R3HDM1: variants seen among roughly 807,000 people sequenced by gnomAD.
R3HDM1 encodes the protein R3H domain-containing protein 1.
Under a neutral mutation model 141.1 loss-of-function variants are expected in R3HDM1, and 46 were observed. That is an observed-to-expected ratio of 0.33 (90% CI 0.26 to 0.42). R3HDM1 has a LOEUF of 0.42. R3HDM1 is among the 10% of genes least tolerant of loss of function. The pLI is 1.00. For missense variants in R3HDM1, 1,184 were observed against 1,368.3 expected (o/e 0.87, Z 2.12); for synonymous variants, 435 against 472.9 (o/e 0.92, Z 1.04).
At chr2:135,651,412 C>T (rs2065131582) in intron 17 of R3HDM1, 1 of 979,838 alleles carries the variant, frequency 1.0e-6, no homozygotes, top group Non-Finnish European at 1.2e-6. Context: ...AATTTCACTT[C>T]TACATTCTAA....
chr2:135,709,403 C>G (rs1456163098), intron 21 of R3HDM1, 30 bp from the exon 22 acceptor site: 3 of 1,612,854 alleles, frequency 1.9e-6, no homozygotes, highest in Non-Finnish European at 2.5e-6. Context: ...ATCCTCCTCT[C>G]ATTATGCTGT....
At chr2:135,716,986 G>T (rs372413921) in intron 24 of R3HDM1, among the ~76,000 whole-genome samples, 5 of 100,594 alleles carry the variant, frequency 5.0e-5, no homozygotes, top group African/African-American at 7.2e-5. Context: ...AAACAAACAC[G>T]GGGAGCAGTA....
chr2:135,640,188 G>C (rs1412182546), intron 14 of R3HDM1, among the ~76,000 whole-genome samples: 1 of 151,986 alleles, frequency 6.6e-6, no homozygotes, highest in Non-Finnish European at 1.5e-5. Flanking sequence ...CGTAAGAATT[G>C]AAGGACATAT....
At chr2:135,566,558 A>G (rs1352451048) in intron 1 of R3HDM1, 3 of 160,850 alleles carry the variant, frequency 1.9e-5, no homozygotes, top group Non-Finnish European at 4.0e-5. Flanking sequence ...CAGAGATTGA[A>G]TAAATCTGAA....
intron 19 of R3HDM1, among the ~76,000 whole-genome samples, chr2:135,664,324 A>C (rs540502797): frequency 6.6e-6 from 1 of 152,236 alleles, no homozygotes; most frequent in South Asian, 2.1e-4. Context: ...GTCAAACAAC[A>C]CTTGCTTACC....
chr2:135,628,365 G>C (rs1369034964), intron 7 of R3HDM1, among the ~76,000 whole-genome samples: 7 of 152,112 alleles, frequency 4.6e-5, no homozygotes, highest in African/African-American at 1.2e-4. Context: ...TTTAAAATAA[G>C]TGACCCAGAT....
Position 135,650,175 on chromosome 2 carries a change from A to C in R3HDM1, c.1725+172A>C, listed in dbSNP as rs986960510. 4 of 970,518 alleles carry C rather than the reference A, an allele frequency of 4.1e-6. No homozygotes were observed. The African/African-American group carries it at 7.0e-5, about 17-fold the overall frequency. 60.1% of individuals were successfully genotyped at this position (970,518 alleles called of 1,614,324 possible). ...TACTAGAAATAATTTATTCCATAAA[A>C]TATTGGTTATAGTGGCTTATTATGG... On this transcript the variant is annotated intron_variant, in intron 17 of 26. Coordinates refer to ENST00000683871, the MANE Select transcript of R3HDM1 (RefSeq NM_001378107.1).
intron 10 of R3HDM1, 45 bp downstream of exon 10, chr2:135,636,043 T>C: frequency 6.2e-7 from 1 of 1,610,876 alleles, no homozygotes; most frequent in Non-Finnish European, 8.5e-7. Context: ...CAAGACATAC[T>C]ATACCAGTAG....
Position 135,661,312 on chromosome 2 carries a change from C to T in R3HDM1, c.2071C>T (p.Gln691Ter). 1 of 1,614,002 alleles carries T rather than the reference C, an allele frequency of 6.2e-7. No homozygotes were observed. The highest frequency in any genetic ancestry group is 8.5e-7 in the Non-Finnish European group (1 of 1,179,860). Reference sequence around the variant, plus strand: ...CGCTCCAGGCCACTATCACTCCAGCCAACCTCAGTATCGCCCAGTCCCTTC... The same window carrying T: ...CGCTCCAGGCCACTATCACTCCAGCTAACCTCAGTATCGCCCAGTCCCTTC... ...YCAPGHYHSSQPQYRPVPSVH... is the reference protein window; with the variant it reads ...YCAPGHYHSS Residue 691 changes from glutamine (Q) to a stop codon, truncating the protein, a stop_gained, in exon 19 of 27, where the codon CAA becomes TAA. Transcript: ENST00000683871. LOFTEE classifies it high-confidence loss of function.
At chr2:135,636,804 A>AG (rs1559308774) in intron 11 of R3HDM1, among the ~76,000 whole-genome samples, 1 of 151,966 alleles carries the variant, frequency 6.6e-6, no homozygotes, top group African/African-American at 2.4e-5. Context: ...AAAAAAAAAA[A>AG]AAGAAGATTA....
intron 1 of R3HDM1, among the ~76,000 whole-genome samples, chr2:135,574,816 T>C (rs1705004609): frequency 6.6e-6 from 1 of 152,182 alleles, no homozygotes; most frequent in African/African-American, 2.4e-5. Context: ...GGATACATTT[T>C]TGAAATGATA....
chr2:135,586,214 T>C (rs1303815995), intron 1 of R3HDM1: 1 of 152,336 alleles, frequency 6.6e-6, no homozygotes, highest in Non-Finnish European at 1.5e-5. Context: ...TCATTGCTTC[T>C]GAATTGCTAA....
chr2:135,632,192 A>G (rs539686168), intron 9 of R3HDM1, among the ~76,000 whole-genome samples, 191 bp downstream of exon 9: 4 of 152,248 alleles, frequency 2.6e-5, no homozygotes, highest in Admixed American at 1.3e-4. Context: ...GGACTCAAAT[A>G]TGGCATATGA....
chr2:135,667,029 G>A (rs1402415729), intron 19 of R3HDM1: 7 of 789,874 alleles, frequency 8.9e-6, no homozygotes, highest in Admixed American at 1.3e-4. Flanking sequence ...AGATTCATGG[G>A]TATTCTAAGC....
intron 19 of R3HDM1, 39 bp downstream of exon 19, chr2:135,661,432 C>T: frequency 6.2e-7 from 1 of 1,601,876 alleles, no homozygotes. Flanking sequence ...CTGAGCCACA[C>T]TTTTTTCCAT....
chr2:135,659,853 C>T (rs1354345036), intron 18 of R3HDM1, among the ~76,000 whole-genome samples: 1 of 152,186 alleles, frequency 6.6e-6, no homozygotes, highest in Non-Finnish European at 1.5e-5. Context: ...TACTTTTAAA[C>T]AACTGCTAGC....
intron 1 of R3HDM1, among the ~76,000 whole-genome samples, chr2:135,591,687 A>G (rs1355776050): frequency 6.6e-6 from 1 of 152,226 alleles, no homozygotes; most frequent in Non-Finnish European, 1.5e-5. Context: ...AGTCCTACAC[A>G]AGACTGCCCT....
chr2:135,651,874 C>A lies in R3HDM1; in HGVS notation c.1870C>A (p.Pro624Thr), dbSNP rs112729561. The A allele has an allele frequency of 7.6e-5, 123 of 1,613,980 alleles. No individual in the cohort carries two copies. In the African/African-American group the frequency reaches 1.2e-3, roughly 16 times the overall value. ...GTCTGGTTATATCATGACAGCAGCC[C>A]CTCCACCACATCCTCCTCCACCGCC... ...QQSGYIMTAA[P>T]PPHPPPPPPP... Residue 624 changes from proline to threonine, a missense_variant, in exon 18 of 27, where the codon CCT (proline) becomes ACT (threonine). Physicochemically the swap from Pro to Thr is conservative, Grantham distance 38. Coordinates refer to ENST00000683871, the MANE Select transcript of R3HDM1 (RefSeq NM_001378107.1).
intron 1 of R3HDM1, among the ~76,000 whole-genome samples, chr2:135,578,268 G>A (rs1705952478): frequency 6.6e-6 from 1 of 152,174 alleles, no homozygotes; most frequent in Non-Finnish European, 1.5e-5. Flanking sequence ...TCTATAATAT[G>A]CTACTCTTTA....
Sources: gnomAD v4.1 joint callset for allele counts (sites outside exome capture counted in the v4.1 genomes callset) on GRCh38, gnomAD v4.1.1 for gene constraint, MANE v1.5 for transcripts, NCBI Gene and HGNC (gene_info 2026-07-23, HGNC 2026-07-21) for gene names.